Variants in SCAI observed in about 807,000 individuals in gnomAD.
SCAI encodes suppressor of cancer cell invasion.
SCAI carries 24 observed loss-of-function variants against 92.2 expected under a neutral mutation model. The observed-to-expected ratio is 0.26, with a 90% CI of 0.19 to 0.37. SCAI has a LOEUF of 0.37. Ranked by LOEUF, SCAI falls within the 10% of genes least tolerant of loss-of-function variation. The pLI is 1.00. For synonymous variants in SCAI, 261 were observed against 258.6 expected (o/e 1.01, Z -0.09); for missense variants, 450 against 736.2 (o/e 0.61, Z 4.50).
rs540716827 is a variant in SCAI, at chr9:125,033,806, G to A, written c.231-4067C>T. ...AAAAAAGCAATACACGATGGACTGA[G>A]CATATAATTTTATCTTCTCTTTCGA... On this transcript the variant is annotated intron_variant, in intron 3 of 17. Transcript: ENST00000336505. Among the ~76,000 whole-genome samples, 31 of 152,276 alleles carry A rather than the reference G, an allele frequency of 2.0e-4. No homozygotes were observed. The South Asian group carries it at 5.8e-3, about 28-fold the overall frequency.
intron 2 of SCAI, among the ~76,000 whole-genome samples, chr9:125,129,454 C>CTTT (rs1171739834): frequency 8.9e-5 from 6 of 67,558 alleles, no homozygotes; most frequent in Admixed American, 1.8e-4. Context: ...ATTAGAATTT[C>CTTT]TTTTTTTTTT....
chr9:124,983,511 C>A (rs1302539690), intron 14 of SCAI, among the ~76,000 whole-genome samples: 4 of 152,174 alleles, frequency 2.6e-5, no homozygotes, highest in African/African-American at 9.6e-5. Flanking sequence ...TGCCACCACA[C>A]CCGGCTAATT....
chr9:125,031,300 C>T (rs1366877708), intron 3 of SCAI, among the ~76,000 whole-genome samples: 4 of 151,800 alleles, frequency 2.6e-5, no homozygotes, highest in East Asian at 3.9e-4. Flanking sequence ...GCGCTCTTGC[C>T]GCCCAGGCTG....
chr9:125,008,606 A>T (rs962065711), intron 9 of SCAI, among the ~76,000 whole-genome samples: 4 of 152,230 alleles, frequency 2.6e-5, no homozygotes, highest in Non-Finnish European at 5.9e-5. Context: ...ACATCAGAAG[A>T]TATGGTTAGT....
intron 2 of SCAI, among the ~76,000 whole-genome samples, chr9:125,082,300 C>G (rs1024993591): frequency 1.3e-5 from 2 of 152,212 alleles, no homozygotes; most frequent in African/African-American, 4.8e-5. Context: ...GAAGTCAAGA[C>G]CTGAAGTTTG....
intron 2 of SCAI, among the ~76,000 whole-genome samples, chr9:125,108,790 G>T (rs1283367576): frequency 6.6e-6 from 1 of 151,430 alleles, no homozygotes; most frequent in Non-Finnish European, 1.5e-5. Context: ...GGGCGCCTCT[G>T]CCCGGCCGCC....
chr9:124,947,031 GC>G lies in SCAI; in HGVS notation c.*5775del, dbSNP rs1197122124. On this transcript the variant is annotated 3_prime_UTR_variant, in exon 18 of 18. Coordinates refer to ENST00000336505, the MANE Select transcript of SCAI (RefSeq NM_001144877.3). ...TAGGTTAGGCCATCCCTTAGCTAAT[GC>G]CCCCTTTTCTGCCTCATAGAGACAC... The G allele has an allele frequency of 6.6e-6, 1 of 152,028 alleles. No individual in the cohort carries two copies. Among genetic ancestry groups the G allele is most frequent in the Non-Finnish European group, 1.5e-5 (1 of 68,002 alleles). 9.4% of individuals were successfully genotyped at this position (152,028 alleles called of 1,614,324 possible).
In SCAI at chr9:125,045,087, T is replaced by C. The variant is rs562801999; in HGVS notation, c.230+10789A>G. 1.7e-3 allele frequency among the ~76,000 whole-genome samples: 260 copies of C among 152,264 alleles called. 1 individual carries two copies. Among genetic ancestry groups the C allele is most frequent in the Non-Finnish European group, 2.6e-3 (174 of 68,016 alleles). On this transcript the variant is annotated intron_variant, in intron 3 of 17. Coordinates refer to ENST00000336505, the MANE Select transcript of SCAI (RefSeq NM_001144877.3). Reference sequence around the variant, plus strand: ...CCAGTAGCATAAGTCAAGCACAACCTGCCAGGCTGAGTAGCGGGAACAAGC... The same window carrying C: ...CCAGTAGCATAAGTCAAGCACAACCCGCCAGGCTGAGTAGCGGGAACAAGC...
At chr9:125,025,782 G>T (rs360199) in intron 6 of SCAI, among the ~76,000 whole-genome samples, 3,517 of 152,280 alleles carry the variant, frequency 0.023, 130 homozygotes, top group African/African-American at 0.08. Context: ...AAATTAAGGA[G>T]ATTTACAAGA....
At chr9:125,131,407 CAA>C (rs200932061) in intron 2 of SCAI, among the ~76,000 whole-genome samples, 14 of 63,310 alleles carry the variant, frequency 2.2e-4, no homozygotes, top group South Asian at 4.3e-4. Flanking sequence ...GACTCCGTCT[CAA>C]AAAAAAAAAA....
At chr9:125,001,861 T>C in intron 12 of SCAI, 104 bp downstream of exon 12, 1 of 695,560 alleles carries the variant, frequency 1.4e-6, no homozygotes. Context: ...TTTGGAAGTC[T>C]GTCTAGAAAG....
At chr9:125,043,683 C>T (rs1294539614) in intron 3 of SCAI, among the ~76,000 whole-genome samples, 1 of 152,060 alleles carries the variant, frequency 6.6e-6, no homozygotes, top group Non-Finnish European at 1.5e-5. Context: ...TACAGTGGTG[C>T]GATCTCCACT....
intron 2 of SCAI, among the ~76,000 whole-genome samples, chr9:125,080,084 T>A (rs1834179564): frequency 6.6e-6 from 1 of 152,100 alleles, no homozygotes; most frequent in Non-Finnish European, 1.5e-5. Flanking sequence ...CTTGGATCCT[T>A]AGTCACTTGT....
intron 17 of SCAI, among the ~76,000 whole-genome samples, chr9:124,955,685 G>T (rs1831305925): frequency 6.6e-6 from 1 of 151,182 alleles, no homozygotes; most frequent in Non-Finnish European, 1.5e-5. Context: ...AAACGGTAGT[G>T]AAAAAAACGA....
At chr9:125,003,318 C>T in intron 10 of SCAI, 103 bp from the exon 11 acceptor site, 1 of 1,053,066 alleles carries the variant, frequency 9.5e-7, no homozygotes, top group Non-Finnish European at 1.5e-6. Flanking sequence ...CTTATTTTCA[C>T]ACTCAGTCTT....
At chr9:124,993,293 G>T (rs72765226) in intron 14 of SCAI, among the ~76,000 whole-genome samples, 15,668 of 152,226 alleles carry the variant, frequency 0.1, 1,074 homozygotes, top group South Asian at 0.16. Context: ...TACAATTTAA[G>T]AAAGTACACT....
rs962608037 is a variant in SCAI, at chr9:124,949,606, T to C, written c.*3201A>G. The stretch of plus-strand genomic sequence containing the variant: ...CGGCCTCCCAGGTAGCTGGGACTAA[T>C]AGGGTCATGCCACCATGCCCTGCTT... On this transcript the variant is annotated 3_prime_UTR_variant, in exon 18 of 18. Transcript: ENST00000336505. The surrounding 1 kb of genome is among the most constrained non-coding windows in gnomAD (Gnocchi z 4.0). 1.3e-5 allele frequency: 2 copies of C among 152,168 alleles called. No homozygotes were observed. Among genetic ancestry groups the C allele is most frequent in the Non-Finnish European group, 2.9e-5 (2 of 68,062 alleles). 9.4% of individuals were successfully genotyped at this position (152,168 alleles called of 1,614,324 possible).
At chr9:124,960,706 G>C (rs1028238070) in intron 17 of SCAI, among the ~76,000 whole-genome samples, 2 of 152,206 alleles carry the variant, frequency 1.3e-5, no homozygotes, top group Admixed American at 1.3e-4. Flanking sequence ...GAACAATCTG[G>C]AATGATGCTA....
At chr9:125,041,655 C>T (rs1163411652) in intron 3 of SCAI, among the ~76,000 whole-genome samples, 3 of 152,074 alleles carry the variant, frequency 2.0e-5, no homozygotes, top group African/African-American at 4.8e-5. Context: ...GCTAAAAGTA[C>T]ATAAAAAGTG....
Sources: gnomAD v4.1 joint callset for allele counts (sites outside exome capture counted in the v4.1 genomes callset) on GRCh38, gnomAD v4.1.1 for gene constraint, Gnocchi (gnomAD v3.1) non-coding constraint, MANE v1.5 for transcripts, NCBI Gene and HGNC (gene_info 2026-07-23, HGNC 2026-07-21) for gene names.